ARHGAP8: variants seen among roughly 807,000 people sequenced by gnomAD.
ARHGAP8 encodes the protein Rho GTPase activating protein 8.
A neutral mutation model predicts 46.1 loss-of-function variants in ARHGAP8; 62 were observed. The ratio of observed to expected loss-of-function variants is 1.34; its 90% CI spans 1.10 to 1.66. The LOEUF (loss-of-function observed/expected upper bound fraction) is 1.66. ARHGAP8 is among the 40% of genes most tolerant of loss of function. ARHGAP8 has a pLI of 0.00. For synonymous variants in ARHGAP8, 375 were observed against 243.1 expected, an observed-to-expected ratio of 1.54 and a Z score of -5.05; for missense variants, 923 against 568.4, an observed-to-expected ratio of 1.62 and a Z score of -6.34.
At chr22:44,798,599 G>A (rs944800077) in intron 2 of ARHGAP8, among the ~76,000 whole-genome samples, 3 of 151,440 alleles carry the variant, frequency 2.0e-5, no homozygotes, top group African/African-American at 7.3e-5. Context: ...TGGACTGAGC[G>A]GCCCCACAGC....
intron 2 of ARHGAP8, among the ~76,000 whole-genome samples, chr22:44,797,584 G>A (rs1337764943): frequency 6.6e-6 from 1 of 152,214 alleles, no homozygotes; most frequent in Non-Finnish European, 1.5e-5. Context: ...GTAAGGAACT[G>A]TGAAATGAAG....
intron 7 of ARHGAP8, among the ~76,000 whole-genome samples, chr22:44,836,002 G>A (rs547095274): frequency 4.6e-5 from 7 of 152,226 alleles, no homozygotes; most frequent in Non-Finnish European, 7.4e-5. Context: ...GTTCTGAGCC[G>A]TGTGTGCCAA....
intron 4 of ARHGAP8, 35 bp downstream of exon 4, chr22:44,808,473 G>A: frequency 6.2e-7 from 1 of 1,610,200 alleles, no homozygotes. Flanking sequence ...ACGTGGGTGT[G>A]GGCTGCTTGT....
chr22:44,802,866 T>C (rs906575066), intron 3 of ARHGAP8, among the ~76,000 whole-genome samples: 1 of 152,154 alleles, frequency 6.6e-6, no homozygotes, highest in African/African-American at 2.4e-5. Flanking sequence ...TCTAACTCCA[T>C]GGCACCTCAT....
intron 1 of ARHGAP8, among the ~76,000 whole-genome samples, chr22:44,776,643 T>A (rs898874431): frequency 4.6e-5 from 7 of 152,138 alleles, no homozygotes; most frequent in Non-Finnish European, 5.9e-5. Flanking sequence ...GGGCCCTCCC[T>A]GTGTTGCCCT....
intron 10 of ARHGAP8, 71 bp from the exon 11 acceptor site, chr22:44,859,660 C>A (rs774010892): frequency 1.3e-6 from 2 of 1,549,070 alleles, no homozygotes; most frequent in Admixed American, 1.7e-5. Context: ...CCCCTGTTCT[C>A]CTCCCGGGCC....
At chr22:44,778,544 G>T (rs1385058309) in intron 1 of ARHGAP8, among the ~76,000 whole-genome samples, 1 of 152,202 alleles carries the variant, frequency 6.6e-6, no homozygotes, top group Non-Finnish European at 1.5e-5. Context: ...TAGACACCCA[G>T]TAGCGGGATT....
intron 11 of ARHGAP8, 78 bp from the exon 12 acceptor site, chr22:44,862,197 C>T (rs573138037): frequency 4.6e-6 from 7 of 1,514,872 alleles, no homozygotes; most frequent in African/African-American, 1.4e-5. Context: ...TACGCCTCTC[C>T]CTAAGTTCGG....
In ARHGAP8 at chr22:44,859,664, C is replaced by G. The variant is rs754256329; in HGVS notation, c.878-67C>G. On this transcript the variant is annotated intron_variant, in intron 10 of 11. Transcript: ENST00000356099. ...TCCTTCCTACACCCCTGTTCTCCTCCCGGGCCGGGATGCAGCGCTGCCCCT... is the reference window on the plus strand; with the variant it reads ...TCCTTCCTACACCCCTGTTCTCCTCGCGGGCCGGGATGCAGCGCTGCCCCT... 20 of 1,566,678 alleles carry G rather than the reference C, an allele frequency of 1.3e-5. 1 individual carries two copies. In the Middle Eastern group the frequency reaches 3.2e-3, roughly 250 times the overall value.
intron 10 of ARHGAP8, among the ~76,000 whole-genome samples, chr22:44,855,725 T>C (rs996430589): frequency 4.6e-5 from 7 of 151,928 alleles, no homozygotes; most frequent in African/African-American, 1.7e-4. Flanking sequence ...GTTCTCAGAG[T>C]CCCCCAGGAT....
intron 3 of ARHGAP8, among the ~76,000 whole-genome samples, chr22:44,805,745 A>T (rs1928876538): frequency 6.6e-6 from 1 of 152,232 alleles, no homozygotes; most frequent in South Asian, 2.1e-4. Context: ...AAGAAGAGCC[A>T]TCAGGCTTAC....
At chr22:44,799,612 G>A (rs1372133594) in intron 2 of ARHGAP8, among the ~76,000 whole-genome samples, 2 of 152,166 alleles carry the variant, frequency 1.3e-5, no homozygotes, top group African/African-American at 2.4e-5. Context: ...ACAGCCTGGT[G>A]TGGGTTTGGC....
intron 2 of ARHGAP8, among the ~76,000 whole-genome samples, chr22:44,796,951 C>T (rs1284825276): frequency 6.6e-6 from 1 of 152,162 alleles, no homozygotes; most frequent in Non-Finnish European, 1.5e-5. Context: ...AGATACAAGC[C>T]GTTGCAGACA....
intron 1 of ARHGAP8, among the ~76,000 whole-genome samples, chr22:44,776,721 TTAAC>T (rs1926450831): frequency 6.6e-6 from 1 of 152,140 alleles, no homozygotes; most frequent in Non-Finnish European, 1.5e-5. Flanking sequence ...GATTTGGTAA[TTAAC>T]TGAAAGCCTT....
chr22:44,854,177 G>A (rs919926567), intron 10 of ARHGAP8, among the ~76,000 whole-genome samples: 1 of 149,958 alleles, frequency 6.7e-6, no homozygotes, highest in Non-Finnish European at 1.5e-5. Flanking sequence ...CTTACTCACT[G>A]TAACGTCATA....
intron 1 of ARHGAP8, among the ~76,000 whole-genome samples, chr22:44,774,782 A>C (rs1159594584): frequency 1.3e-5 from 2 of 151,750 alleles, no homozygotes; most frequent in Non-Finnish European, 2.9e-5. Context: ...TCAGCCTCCC[A>C]AAGTGTTGGA....
chr22:44,784,162 G>C (rs890642440), intron 1 of ARHGAP8, among the ~76,000 whole-genome samples: 1 of 152,182 alleles, frequency 6.6e-6, no homozygotes, highest in African/African-American at 2.4e-5. Context: ...CCAGCACTTT[G>C]GGAGGTCAAG....
At chr22:44,802,972 C>T (rs987513973) in intron 3 of ARHGAP8, among the ~76,000 whole-genome samples, 9 of 146,836 alleles carry the variant, frequency 6.1e-5, no homozygotes, top group African/African-American at 2.3e-4. Context: ...AAACCCAGGA[C>T]AGAAGACAAG....
Position 44,849,054 on chromosome 22 carries a change from A to G in ARHGAP8, c.871A>G (p.Ile291Val). 6 of 1,613,800 alleles carry G rather than the reference A, an allele frequency of 3.7e-6. No homozygotes were observed. The highest frequency in any genetic ancestry group is 5.1e-6 in the Non-Finnish European group (6 of 1,179,948). Residue 291 changes from isoleucine to valine, a missense_variant, in exon 10 of 12, where the codon ATC becomes GTC. By Grantham distance (29) the Ile-to-Val change is conservative. Transcript: ENST00000356099. ...TFQAYEQILG[I>V]TCVESSLRVT... The stretch of plus-strand genomic sequence containing the variant: ...CCAGGCCTACGAGCAGATTCTCGGG[A>G]TCACCTGTGCGTAGCTGCCCTGGCG...
Sources: gnomAD v4.1 joint callset for allele counts (sites outside exome capture counted in the v4.1 genomes callset) on GRCh38, gnomAD v4.1.1 for gene constraint, MANE v1.5 for transcripts, NCBI Gene and HGNC (gene_info 2026-07-23, HGNC 2026-07-21) for gene names.